ATXN7L1: variants seen among roughly 807,000 people sequenced by gnomAD.
The protein encoded by ATXN7L1 is ataxin 7 like 1.
In ATXN7L1, 15 loss-of-function variants were observed where a neutral mutation model predicts 70.8. The observed-to-expected ratio is 0.21, with a 90% CI of 0.14 to 0.33. The LOEUF is 0.33. ATXN7L1 is among the 10% of genes least tolerant of loss of function. The probability of loss-of-function intolerance (pLI) is 1.00; values close to 1 mark genes in which losing one functional copy is unlikely to be tolerated. For synonymous variants in ATXN7L1, 440 were observed against 445.1 expected, an observed-to-expected ratio of 0.99 and a Z score of 0.14; for missense variants, 975 against 1,097.1, an observed-to-expected ratio of 0.89 and a Z score of 1.57.
Position 105,638,499 on chromosome 7 carries a change from C to G in ATXN7L1, c.1056G>C (p.Glu352Asp). 1 of 1,552,326 alleles carries G rather than the reference C, an allele frequency of 6.4e-7. No individual in the cohort carries two copies. The highest frequency in any genetic ancestry group is 2.4e-5 in the East Asian group (1 of 40,924). ...KSREKEVKDKEHLLTSTREIL... is the reference protein window; with the variant it reads ...KSREKEVKDKDHLLTSTREIL... ...TTTCCCTCGTGGAAGTCAGGAGATGCTCTTTATCTTTAACTTCTTTTTCCC... is the reference window on the plus strand; with the variant it reads ...TTTCCCTCGTGGAAGTCAGGAGATGGTCTTTATCTTTAACTTCTTTTTCCC... The change falls in exon 7 of 12, where the codon GAG becomes GAC. Residue 352 changes from glutamate to aspartate, a missense_variant. Glu to Asp is a conservative substitution (Grantham distance 45). Around this residue, in one of 5 missense-constraint regions of ATXN7L1, gnomAD observed 635 missense variants for 699.4 expected, o/e 0.91. Transcript: ENST00000419735.
At chr7:105,685,044 GATAATAATAATAATAATA>G (rs112358794) in intron 3 of ATXN7L1, among the ~76,000 whole-genome samples, 3 of 142,682 alleles carry the variant, frequency 2.1e-5, no homozygotes, top group Admixed American at 7.0e-5. Context: ...GAGAAGAGAT[GATAATAATAATAATAATA>G]ATAATAATAA....
Position 105,620,203 on chromosome 7 carries a change from C to A in ATXN7L1, c.1514G>T (p.Trp505Leu). ...MVEKHLNSQM[W>L]KKIPPAADSP... ...TGCACAAAAGCTGCTCACTTACTTC[C>A]ACATCTGTGAATTCAGGTGTTTTTC... The change falls in exon 9 of 12, where the codon TGG (tryptophan) becomes TTG (leucine). Residue 505 changes from tryptophan (W) to leucine (L), a missense_variant. Physicochemically the swap from Trp to Leu is moderately conservative, Grantham distance 61. Coordinates refer to ENST00000419735, the MANE Select transcript of ATXN7L1 (RefSeq NM_020725.2). The A allele has an allele frequency of 6.4e-7, 1 of 1,551,210 alleles. No individual in the cohort carries two copies. The highest frequency in any genetic ancestry group is 8.7e-7 in the Non-Finnish European group (1 of 1,146,678).
intron 3 of ATXN7L1, among the ~76,000 whole-genome samples, chr7:105,750,880 A>G (rs549853724): frequency 1.3e-5 from 2 of 152,300 alleles, no homozygotes; most frequent in East Asian, 3.9e-4. Flanking sequence ...CTCAGTTTGC[A>G]TTCAAAGCCT....
At chr7:105,740,769 A>ATTTTTTTTTTTTTTTTTTTTT (rs1235457353) in intron 3 of ATXN7L1, among the ~76,000 whole-genome samples, 3 of 85,704 alleles carry the variant, frequency 3.5e-5, no homozygotes, top group African/African-American at 6.4e-5. Flanking sequence ...GGCTCCATTC[A>ATTTTTTTTTTTTTTTTTTTTT]TTTTTTTTTT....
At chr7:105,746,589 C>T (rs974931756) in intron 3 of ATXN7L1, among the ~76,000 whole-genome samples, 2 of 152,170 alleles carry the variant, frequency 1.3e-5, no homozygotes, top group African/African-American at 4.8e-5. Flanking sequence ...CTCTGCCCTT[C>T]CTGCACTGAC....
chr7:105,842,766 C>T (rs1245928043), intron 2 of ATXN7L1, among the ~76,000 whole-genome samples: 6 of 152,148 alleles, frequency 3.9e-5, no homozygotes, highest in Admixed American at 6.5e-5. Context: ...GAGGAACTGC[C>T]GAACTGCTTT....
intron 2 of ATXN7L1, among the ~76,000 whole-genome samples, chr7:105,862,637 G>C (rs528750532): frequency 1.3e-5 from 2 of 152,260 alleles, no homozygotes; most frequent in African/African-American, 4.8e-5. Context: ...ACACAGAGGA[G>C]GTGATTAATT....
At chr7:105,847,673 T>C (rs142954558) in intron 2 of ATXN7L1, among the ~76,000 whole-genome samples, 13 of 152,360 alleles carry the variant, frequency 8.5e-5, no homozygotes, top group African/African-American at 2.9e-4. Flanking sequence ...CTGCCACTTA[T>C]TAGCTGTGTG....
intron 3 of ATXN7L1, among the ~76,000 whole-genome samples, chr7:105,768,267 T>C (rs1038682380): frequency 6.6e-6 from 1 of 152,258 alleles, no homozygotes; most frequent in African/African-American, 2.4e-5. Context: ...AACCTTGGTA[T>C]ATAACCACCA....
intron 3 of ATXN7L1, among the ~76,000 whole-genome samples, chr7:105,735,218 G>T (rs1797248653): frequency 6.6e-6 from 1 of 152,032 alleles, no homozygotes; most frequent in Non-Finnish European, 1.5e-5. Context: ...ATATCTGCTG[G>T]ATACCTTTTA....
intron 3 of ATXN7L1, among the ~76,000 whole-genome samples, chr7:105,710,181 T>C (rs1793704684): frequency 6.6e-6 from 1 of 152,098 alleles, no homozygotes; most frequent in Non-Finnish European, 1.5e-5. Context: ...CCAGGGATGA[T>C]ATATTAGTCC....
intron 3 of ATXN7L1, among the ~76,000 whole-genome samples, chr7:105,771,895 A>G (rs1691240985): frequency 6.6e-6 from 1 of 152,100 alleles, no homozygotes; most frequent in Admixed American, 6.6e-5. Flanking sequence ...GGTTAAGGAA[A>G]ATTGTACTAA....
intron 2 of ATXN7L1, among the ~76,000 whole-genome samples, chr7:105,872,829 A>G (rs1391574928): frequency 6.6e-6 from 1 of 151,668 alleles, no homozygotes; most frequent in Non-Finnish European, 1.5e-5. Context: ...TATGCTATGT[A>G]TATTTTACCA....
chr7:105,723,391 T>G (rs1369994821), intron 3 of ATXN7L1, among the ~76,000 whole-genome samples: 2 of 152,216 alleles, frequency 1.3e-5, no homozygotes, highest in South Asian at 2.1e-4. Context: ...ATGTATTCAA[T>G]AAATATTTAG....
chr7:105,765,007 C>G (rs1801055866), intron 3 of ATXN7L1, among the ~76,000 whole-genome samples: 1 of 152,152 alleles, frequency 6.6e-6, no homozygotes, highest in African/African-American at 2.4e-5. Context: ...GTGTTACCAT[C>G]TTCCTTGAAG....
chr7:105,636,207 C>T (rs1399379004), intron 7 of ATXN7L1, among the ~76,000 whole-genome samples: 1 of 151,978 alleles, frequency 6.6e-6, no homozygotes, highest in Non-Finnish European at 1.5e-5. Context: ...CCAACTTGGC[C>T]AACATGGTGA....
chr7:105,812,639 T>G (rs7783594), intron 2 of ATXN7L1, among the ~76,000 whole-genome samples: 10,205 of 152,132 alleles, frequency 0.067, 535 homozygotes, highest in East Asian at 0.27. Flanking sequence ...TACGGCCCAC[T>G]CACTGTACAG....
chr7:105,717,443 G>C (rs948451947), intron 3 of ATXN7L1, among the ~76,000 whole-genome samples: 1 of 152,076 alleles, frequency 6.6e-6, no homozygotes, highest in Non-Finnish European at 1.5e-5. Context: ...TTTTTTAAAA[G>C]ATTATTTTAG....
At chr7:105,650,633 C>A (rs975115695) in intron 4 of ATXN7L1, among the ~76,000 whole-genome samples, 4 of 152,188 alleles carry the variant, frequency 2.6e-5, no homozygotes, top group Admixed American at 6.5e-5. Context: ...TAGAGTGATA[C>A]CATGCAGAGC....
Sources: allele counts gnomAD v4.1 joint callset (sites outside exome capture counted in the v4.1 genomes callset), GRCh38; gene constraint gnomAD v4.1.1; regional missense constraint gnomAD v4.1.1; transcripts MANE v1.5; gene names NCBI Gene and HGNC (gene_info 2026-07-23, HGNC 2026-07-21).